GRID2: variants seen among roughly 807,000 people sequenced by gnomAD.
The protein encoded by GRID2 is glutamate ionotropic receptor delta type subunit 2.
A neutral mutation model predicts 114.8 loss-of-function variants in GRID2; 33 were observed. That is an observed-to-expected ratio of 0.29 (90% confidence interval 0.22 to 0.38). GRID2 has a LOEUF of 0.38. Among genes scored for constraint, GRID2 ranks in the 10% least tolerant of loss-of-function variants. GRID2 has a pLI of 1.00. For missense variants in GRID2, 1,184 were observed against 1,257.7 expected (o/e 0.94, Z 0.89); for synonymous variants, 505 against 449.9 (o/e 1.12, Z -1.55).
intron 8 of GRID2, among the ~76,000 whole-genome samples, chr4:93,341,347 C>CA (rs1759635711): frequency 2.7e-5 from 4 of 150,588 alleles, no homozygotes; most frequent in Non-Finnish European, 5.9e-5. Context: ...TTCTTTGAGA[C>CA]AGAGTCTCAC....
intron 1 of GRID2, among the ~76,000 whole-genome samples, chr4:93,796,924 C>T (rs374949919): frequency 6.6e-5 from 10 of 152,198 alleles, no homozygotes; most frequent in East Asian, 3.9e-4. Flanking sequence ...CAATGGGGTA[C>T]GTTCTCAGAA....
intron 2 of GRID2, among the ~76,000 whole-genome samples, chr4:92,714,882 T>C (rs1386095548): frequency 6.6e-6 from 1 of 152,206 alleles, no homozygotes; most frequent in South Asian, 2.1e-4. Flanking sequence ...GAGGAGCTGC[T>C]GCAAAGGTCT....
chr4:93,106,903 A>G (rs962338426), intron 3 of GRID2, among the ~76,000 whole-genome samples: 2 of 152,194 alleles, frequency 1.3e-5, no homozygotes, highest in African/African-American at 2.4e-5. Context: ...TTTACTAACA[A>G]TAAAGGAATT....
intron 2 of GRID2, among the ~76,000 whole-genome samples, chr4:92,862,932 T>C (rs1052201709): frequency 1.8e-4 from 28 of 152,092 alleles, no homozygotes; most frequent in Non-Finnish European, 3.8e-4. Context: ...GATTGATAAA[T>C]GCACAACAAC....
At chr4:93,201,463 C>A (rs1047726140) in intron 4 of GRID2, among the ~76,000 whole-genome samples, 3 of 152,164 alleles carry the variant, frequency 2.0e-5, no homozygotes, top group Admixed American at 6.5e-5. Flanking sequence ...CCTATGCATG[C>A]CCCTTGCTGA....
intron 6 of GRID2, among the ~76,000 whole-genome samples, chr4:93,220,751 G>C (rs1744777788): frequency 1.3e-5 from 2 of 152,126 alleles, no homozygotes; most frequent in Admixed American, 1.3e-4. Context: ...TCAAACTGCA[G>C]TGATAAACAT....
intron 1 of GRID2, among the ~76,000 whole-genome samples, chr4:92,324,596 G>C (rs78467910): frequency 2.7e-5 from 4 of 148,150 alleles, no homozygotes; most frequent in Admixed American, 1.3e-4. Flanking sequence ...CATACATACA[G>C]ACACACACAC....
At chr4:93,102,935 G>A (rs567359916) in intron 3 of GRID2, among the ~76,000 whole-genome samples, 118 of 151,830 alleles carry the variant, frequency 7.8e-4, no homozygotes, top group African/African-American at 2.7e-3. Context: ...GATTTATAAA[G>A]GCTTTACATA....
chr4:92,884,937 A>G (rs1746268197), intron 2 of GRID2: 7 of 311,922 alleles, frequency 2.2e-5, no homozygotes, highest in South Asian at 2.1e-4. Flanking sequence ...GGTCTCCCCA[A>G]AAAAAAAAAA....
intron 2 of GRID2, among the ~76,000 whole-genome samples, chr4:92,879,176 C>G (rs1370023001): frequency 6.6e-6 from 1 of 151,974 alleles, no homozygotes; most frequent in East Asian, 1.9e-4. Flanking sequence ...ATTTTCAAAA[C>G]TGTTAATGAT....
chr4:92,609,079 T>G (rs1343059777), intron 2 of GRID2, among the ~76,000 whole-genome samples: 1 of 151,690 alleles, frequency 6.6e-6, no homozygotes, highest in Non-Finnish European at 1.5e-5. Flanking sequence ...AAAGATGAAG[T>G]GTTAGAGGAT....
At chr4:92,812,625 G>A (rs908103662) in intron 2 of GRID2, among the ~76,000 whole-genome samples, 3 of 151,964 alleles carry the variant, frequency 2.0e-5, no homozygotes, top group African/African-American at 7.2e-5. Context: ...GGTGATTTTT[G>A]TTTTCTTATC....
chr4:92,780,590 T>A (rs576030532), intron 2 of GRID2, among the ~76,000 whole-genome samples: 1 of 152,246 alleles, frequency 6.6e-6, no homozygotes, highest in Admixed American at 6.5e-5. Flanking sequence ...GAGGCAAGGA[T>A]CCTTTTATGC....
intron 2 of GRID2, among the ~76,000 whole-genome samples, chr4:93,025,538 A>T (rs1723802599): frequency 6.6e-6 from 1 of 151,772 alleles, no homozygotes; most frequent in Non-Finnish European, 1.5e-5. Context: ...CTTAAAATGG[A>T]TTTAAGCCAG....
intron 2 of GRID2, among the ~76,000 whole-genome samples, chr4:92,782,259 T>C (rs1739116821): frequency 6.6e-6 from 1 of 152,092 alleles, no homozygotes; most frequent in African/African-American, 2.4e-5. Flanking sequence ...TTGAGAGCTC[T>C]CCTAATTTGT....
intron 2 of GRID2, among the ~76,000 whole-genome samples, chr4:92,619,018 C>T (rs186504983): frequency 1.3e-5 from 2 of 151,558 alleles, no homozygotes; most frequent in East Asian, 2.0e-4. Flanking sequence ...ATTGCTTTCT[C>T]TCTGATATCT....
At chr4:92,899,445 G>A (rs1369401026) in intron 2 of GRID2, among the ~76,000 whole-genome samples, 1 of 152,154 alleles carries the variant, frequency 6.6e-6, no homozygotes, top group African/African-American at 2.4e-5. Flanking sequence ...GAATTTCTGA[G>A]AAGTAATATC....
intron 14 of GRID2, among the ~76,000 whole-genome samples, chr4:93,750,048 T>C (rs1321591774): frequency 1.3e-5 from 2 of 152,180 alleles, no homozygotes; most frequent in African/African-American, 4.8e-5. Flanking sequence ...ATTATATAGT[T>C]CCCTTTCTTG....
chr4:93,079,416 T>C (rs907161112), intron 2 of GRID2, among the ~76,000 whole-genome samples: 3 of 151,852 alleles, frequency 2.0e-5, no homozygotes, highest in African/African-American at 7.2e-5. Flanking sequence ...CTTTTTTATA[T>C]CTAGGAGGCT....
Sources: gnomAD v4.1 joint callset for allele counts (sites outside exome capture counted in the v4.1 genomes callset) on GRCh38, gnomAD v4.1.1 for gene constraint, MANE v1.5 for transcripts, NCBI Gene and HGNC (gene_info 2026-07-23, HGNC 2026-07-21) for gene names.